The following BAALC variants were observed in gnomAD, a reference collection of about 807,000 sequenced individuals.
BAALC encodes the protein BAALC binder of MAP3K1 and KLF4.
Under a neutral mutation model 15.5 loss-of-function variants are expected in BAALC, and 9 were observed. That is an observed-to-expected ratio of 0.58 (90% CI 0.35 to 1.02). The LOEUF (loss-of-function observed/expected upper bound fraction) is 1.02, where lower values mean the gene tolerates loss of function less well. BAALC is among the 50% of genes least tolerant of loss of function. BAALC has a pLI of 0.02. For missense variants in BAALC, 201 were observed against 192.4 expected, an observed-to-expected ratio of 1.04 and a Z score of -0.27; for synonymous variants, 80 against 74.6, an observed-to-expected ratio of 1.07 and a Z score of -0.37.
Position 103,168,634 on chromosome 8 carries a change from C to T in BAALC, c.160+27577C>T, listed in dbSNP as rs1246046535. Among the ~76,000 whole-genome samples, 4 of 151,760 alleles carry T rather than the reference C, an allele frequency of 2.6e-5. No individual in the cohort carries two copies. In the South Asian group the frequency reaches 6.2e-4, roughly 24 times the overall value. ...CTATCACAATTTTTTCTTTTAATTG[C>T]CCTTGGAGTTTTCTGAACTGCTCCA... is the stretch of plus-strand genomic sequence containing the variant. On this transcript the variant is annotated intron_variant, in intron 1 of 2. Coordinates refer to ENST00000309982, the MANE Select transcript of BAALC (RefSeq NM_024812.3).
At chr8:103,160,785 A>G (rs576444841) in intron 1 of BAALC, among the ~76,000 whole-genome samples, 3,112 of 152,230 alleles carry the variant, frequency 0.02, 119 homozygotes, top group African/African-American at 0.072. Context: ...GGAAGCACCC[A>G]GCACGGGAGA....
chr8:103,196,434 C>G (rs1482684501), intron 1 of BAALC, among the ~76,000 whole-genome samples: 1 of 152,138 alleles, frequency 6.6e-6, no homozygotes, highest in Admixed American at 6.5e-5. Flanking sequence ...GCATGCACCA[C>G]CATGCCTGGC....
chr8:103,223,915 T>C (rs1358946287), intron 2 of BAALC, among the ~76,000 whole-genome samples: 2 of 152,194 alleles, frequency 1.3e-5, no homozygotes, highest in African/African-American at 4.8e-5. Context: ...CTACAGTCAA[T>C]TTAGCTCACT....
intron 2 of BAALC, among the ~76,000 whole-genome samples, chr8:103,226,443 T>C (rs577598258): frequency 6.6e-6 from 1 of 152,344 alleles, no homozygotes; most frequent in Non-Finnish European, 1.5e-5. Flanking sequence ...GGCTACTTGC[T>C]GACTGTTCTC....
chr8:103,161,705 C>T (rs1236928622), intron 1 of BAALC, among the ~76,000 whole-genome samples: 5 of 152,056 alleles, frequency 3.3e-5, no homozygotes, highest in Admixed American at 6.6e-5. Context: ...CCAAATTTTC[C>T]CCCAGAGGCC....
intron 1 of BAALC, among the ~76,000 whole-genome samples, chr8:103,172,620 C>T (rs1811521977): frequency 6.6e-6 from 1 of 152,012 alleles, no homozygotes; most frequent in East Asian, 1.9e-4. Flanking sequence ...GTCTCAAACT[C>T]CTGACTTCAG....
chr8:103,201,916 G>A (rs1812225793), intron 1 of BAALC, among the ~76,000 whole-genome samples: 1 of 152,210 alleles, frequency 6.6e-6, no homozygotes, highest in Non-Finnish European at 1.5e-5. Context: ...AATGAAACAG[G>A]AGAAATGTTG....
At chr8:103,157,108 C>G (rs1046300414) in intron 1 of BAALC, 1 of 144,588 alleles carries the variant, frequency 6.9e-6, no homozygotes, top group Non-Finnish European at 1.5e-5. Flanking sequence ...AAAAGGTGAT[C>G]TGAATATGTG....
chr8:103,146,762 C>G (rs1489394728), intron 1 of BAALC, among the ~76,000 whole-genome samples: 1 of 152,188 alleles, frequency 6.6e-6, no homozygotes, highest in Non-Finnish European at 1.5e-5. Context: ...TTGCCAAACA[C>G]AAGCCTTTTT....
intron 1 of BAALC, among the ~76,000 whole-genome samples, chr8:103,155,213 T>G (rs1300861549): frequency 6.6e-6 from 1 of 152,220 alleles, no homozygotes; most frequent in African/African-American, 2.4e-5. Context: ...TTGTTATTTT[T>G]GTAGGTTGAA....
At chr8:103,177,772 C>T (rs1237931920) in intron 1 of BAALC, among the ~76,000 whole-genome samples, 1 of 152,182 alleles carries the variant, frequency 6.6e-6, no homozygotes, top group Non-Finnish European at 1.5e-5. Flanking sequence ...AACAAGAGTT[C>T]TTACCTCATA....
intron 1 of BAALC, among the ~76,000 whole-genome samples, chr8:103,184,105 T>C (rs1417051197): frequency 6.6e-6 from 1 of 152,208 alleles, no homozygotes; most frequent in Non-Finnish European, 1.5e-5. Context: ...CTAGCAACAT[T>C]GCATCTCTCT....
intron 2 of BAALC, among the ~76,000 whole-genome samples, chr8:103,226,617 A>G (rs1812812192): frequency 6.6e-6 from 1 of 152,224 alleles, no homozygotes; most frequent in Non-Finnish European, 1.5e-5. Flanking sequence ...TTTCTCTTTT[A>G]GGGGATGGAG....
At position 103,166,472 on chromosome 8, in the gene BAALC, T is replaced by A. The variant is rs537522837; in HGVS notation, c.160+25415T>A. Among the ~76,000 whole-genome samples the A allele has an allele frequency of 7.9e-5, 12 of 152,156 alleles. No individual in the cohort carries two copies. In the South Asian group the frequency reaches 1.2e-3, roughly 16 times the overall value. On this transcript the variant is annotated intron_variant, in intron 1 of 2. Coordinates refer to ENST00000309982, the MANE Select transcript of BAALC (RefSeq NM_024812.3). ...CCAGGCTTGAAGTGGAGCAGATGTG[T>A]GGGAGGGTATGGGAGACAACGGGCC...
intron 1 of BAALC, among the ~76,000 whole-genome samples, chr8:103,143,739 T>G (rs1810830334): frequency 6.6e-6 from 1 of 152,228 alleles, no homozygotes; most frequent in Admixed American, 6.5e-5. Flanking sequence ...GGGGAGAAGC[T>G]AATTCATCTT....
intron 1 of BAALC, among the ~76,000 whole-genome samples, chr8:103,141,893 T>A (rs987246376): frequency 2.6e-5 from 4 of 152,270 alleles, no homozygotes; most frequent in Non-Finnish European, 4.4e-5. Context: ...TTTATTTTTT[T>A]ATTTTTTAGC....
At chr8:103,225,367 C>A (rs991268324) in intron 2 of BAALC, among the ~76,000 whole-genome samples, 2 of 152,188 alleles carry the variant, frequency 1.3e-5, no homozygotes, top group African/African-American at 4.8e-5. Flanking sequence ...TCAAAATTAT[C>A]CTTAAATGTT....
intron 1 of BAALC, chr8:103,208,269 A>G (rs1812373700): frequency 6.6e-6 from 1 of 152,244 alleles, no homozygotes; most frequent in African/African-American, 2.4e-5. Flanking sequence ...TGAAGGTGGC[A>G]GTATTATCTC....
At chr8:103,157,555 C>G (rs1390024434) in intron 1 of BAALC, among the ~76,000 whole-genome samples, 1 of 152,124 alleles carries the variant, frequency 6.6e-6, no homozygotes, top group Non-Finnish European at 1.5e-5. Context: ...CACCAGTAAT[C>G]CCAGCACATT....
Sources: allele counts gnomAD v4.1 joint callset (sites outside exome capture counted in the v4.1 genomes callset), GRCh38; gene constraint gnomAD v4.1.1; transcripts MANE v1.5; gene names NCBI Gene and HGNC (gene_info 2026-07-23, HGNC 2026-07-21).